Variants in PTPRC observed in about 807,000 individuals in gnomAD.
PTPRC encodes the protein protein tyrosine phosphatase receptor type C.
A neutral mutation model predicts 155.9 loss-of-function variants in PTPRC; 44 were observed. The ratio of observed to expected loss-of-function variants is 0.28; its 90% CI spans 0.22 to 0.36. PTPRC has a LOEUF of 0.36. PTPRC is among the 10% of genes least tolerant of loss of function. The pLI is 1.00. For missense variants in PTPRC, 1,401 were observed against 1,564.6 expected (o/e 0.90, Z 1.76); for synonymous variants, 525 against 533.1 (o/e 0.98, Z 0.21).
intron 2 of PTPRC, among the ~76,000 whole-genome samples, chr1:198,647,205 A>G (rs1271316258): frequency 6.6e-6 from 1 of 151,740 alleles, no homozygotes; most frequent in Non-Finnish European, 1.5e-5. Flanking sequence ...AGCCCCTTTC[A>G]CACCTGCATA....
chr1:198,666,997 AC>A (rs1664350130), intron 2 of PTPRC: 1 of 152,222 alleles, frequency 6.6e-6, no homozygotes, highest in Admixed American at 6.5e-5. Flanking sequence ...TAAGCAACTT[AC>A]GATATTTTGA....
chr1:198,725,151 T>C lies in PTPRC; in HGVS notation c.1720+2675T>C, dbSNP rs543601965. On this transcript the variant is annotated intron_variant, in intron 15 of 32. Transcript: ENST00000442510. The stretch of plus-strand genomic sequence containing the variant: ...CTGGATGCTATTGACCTTTGTAACC[T>C]GAAGATTTATATATCTGAGAATTCT... Among the ~76,000 whole-genome samples the C allele has an allele frequency of 4.6e-5, 7 of 152,284 alleles. No individual in the cohort carries two copies. In the South Asian group the frequency reaches 6.2e-4, roughly 14 times the overall value.
At position 198,718,160 on chromosome 1, in the gene PTPRC, G is replaced by A. The variant is rs1188651375; in HGVS notation, c.1517G>A (p.Arg506Lys). 2 of 1,613,866 alleles carry A rather than the reference G, an allele frequency of 1.2e-6. No homozygotes were observed. Among genetic ancestry groups the A allele is most frequent in the Non-Finnish European group, 1.7e-6 (2 of 1,179,814 alleles). The change falls in exon 14 of 33, where the codon AGG becomes AAG. Residue 506 changes from arginine (R) to lysine (K), a missense_variant. Arg to Lys is a conservative substitution (Grantham distance 26, BLOSUM62 2). Transcript: ENST00000442510. ...GATAATAGTATGCATGTCAAGTGTA[G>A]GCCTCCCAGGGACCGTAATGGCCCC... ...TSDNSMHVKCRPPRDRNGPHE... is the reference protein window; with the variant it reads ...TSDNSMHVKCKPPRDRNGPHE...
rs547752564 is a variant in PTPRC, at chr1:198,685,002, C to G, written c.74-7345C>G. ...GAGCTCATAAATTCATGTGCTTTAA[C>G]TAGATTGAATGAAATCAGAAAGGCA... On this transcript the variant is annotated intron_variant, in intron 2 of 32. Coordinates refer to ENST00000442510, the MANE Select transcript of PTPRC (RefSeq NM_002838.5). Among the ~76,000 whole-genome samples, 10 of 152,104 alleles carry G rather than the reference C, an allele frequency of 6.6e-5. No homozygotes were observed. In the South Asian group the frequency reaches 1.9e-3, roughly 28 times the overall value.
intron 12 of PTPRC, among the ~76,000 whole-genome samples, chr1:198,715,216 A>G (rs556105717): frequency 3.1e-4 from 47 of 152,012 alleles, no homozygotes; most frequent in African/African-American, 1.1e-3. Flanking sequence ...TCCGCCTCCC[A>G]GGTTCACGCC....
At chr1:198,689,478 T>A (rs1318994477) in intron 2 of PTPRC, among the ~76,000 whole-genome samples, 1 of 152,134 alleles carries the variant, frequency 6.6e-6, no homozygotes, top group African/African-American at 2.4e-5. Context: ...AACAACAGAA[T>A]ATAGGGGTCT....
chr1:198,709,731 G>C lies in PTPRC; in HGVS notation c.1078G>C (p.Glu360Gln). The change falls in exon 11 of 33, where the codon GAA (glutamate) becomes CAA (glutamine). Residue 360 changes from glutamate (E) to glutamine (Q), a missense_variant. By Grantham distance (29) the Glu-to-Gln change is conservative. Coordinates refer to ENST00000442510, the MANE Select transcript of PTPRC (RefSeq NM_002838.5). ...TAAAGAAATTAAATTAGAAAACCTT[G>C]AACCCGAACATGAGTATAAGTGTGA... ...DNKEIKLENL[E>Q]PEHEYKCDSE... is the part of the protein sequence containing the mutation. 6.2e-7 allele frequency: 1 copy of C among 1,604,912 alleles called. No individual in the cohort carries two copies. The highest frequency in any genetic ancestry group is 8.5e-7 in the Non-Finnish European group (1 of 1,175,700).
At position 198,718,182 on chromosome 1, in the gene PTPRC, C is replaced by A; in HGVS notation, c.1539C>A (p.Gly513=). The change falls in exon 14 of 33, where the codon GGC becomes GGA. Residue 513 remains glycine (G), a synonymous_variant. Coordinates refer to ENST00000442510, the MANE Select transcript of PTPRC (RefSeq NM_002838.5). ...GTAGGCCTCCCAGGGACCGTAATGG[C>A]CCCCATGAACGTTACCATTTGGAAG... is the stretch of plus-strand genomic sequence containing the variant. ...VKCRPPRDRN[G]PHERYHLEVE... is the part of the protein sequence containing the mutation. 6.2e-7 allele frequency: 1 copy of A among 1,613,172 alleles called. No individual in the cohort carries two copies. The highest frequency in any genetic ancestry group is 8.5e-7 in the Non-Finnish European group (1 of 1,179,242).
intron 6 of PTPRC, among the ~76,000 whole-genome samples, chr1:198,702,837 TAC>T (rs1666529749): frequency 6.6e-6 from 1 of 152,220 alleles, no homozygotes; most frequent in African/African-American, 2.4e-5. Flanking sequence ...CAGGGCAAAT[TAC>T]TAATACTTTC....
At chr1:198,688,078 G>GGTGTGT (rs139116095) in intron 2 of PTPRC, among the ~76,000 whole-genome samples, 1 of 148,470 alleles carries the variant, frequency 6.7e-6, no homozygotes, top group Non-Finnish European at 1.5e-5. Flanking sequence ...TGGTGTGTGG[G>GGTGTGT]GTGTGTGTGT....
intron 20 of PTPRC, among the ~76,000 whole-genome samples, chr1:198,732,983 G>C (rs1209819482): frequency 6.6e-6 from 1 of 151,732 alleles, no homozygotes; most frequent in East Asian, 1.9e-4. Flanking sequence ...GAGTCTGACT[G>C]ACTCCAAAAT....
intron 2 of PTPRC, among the ~76,000 whole-genome samples, chr1:198,686,860 A>G (rs540191944): frequency 6.6e-6 from 1 of 152,372 alleles, no homozygotes; most frequent in East Asian, 1.9e-4. Context: ...AAGGCTGTCT[A>G]CATACATAAA....
chr1:198,639,361 T>C lies in PTPRC; in HGVS notation c.73+20T>C. On this transcript the variant is annotated intron_variant, in intron 2 of 32. Coordinates refer to ENST00000442510, the MANE Select transcript of PTPRC (RefSeq NM_002838.5). ...TGACAGGTAAGTACAAGGATATTAA[T>C]ATTTTTTAAATTATTTTTTCTCTTT... The C allele has an allele frequency of 3.9e-6, 6 of 1,553,868 alleles. No individual in the cohort carries two copies. In the South Asian group the frequency reaches 5.8e-5, roughly 15 times the overall value.
intron 23 of PTPRC, among the ~76,000 whole-genome samples, chr1:198,737,329 A>C (rs1399334642): frequency 6.7e-6 from 1 of 149,750 alleles, no homozygotes; most frequent in Non-Finnish European, 1.5e-5. Context: ...TTAAGGTCTT[A>C]GATCTAAGTC....
intron 2 of PTPRC, chr1:198,680,060 C>CGCG (rs1440800367): frequency 8.4e-6 from 4 of 475,566 alleles, no homozygotes; most frequent in African/African-American, 6.1e-5. Flanking sequence ...AAGAACGCAG[C>CGCG]GCGCAGCTGG....
chr1:198,704,201 C>T (rs576514145), intron 7 of PTPRC, among the ~76,000 whole-genome samples: 28 of 152,024 alleles, frequency 1.8e-4, no homozygotes, highest in Non-Finnish European at 2.4e-4. Context: ...GTTGCCATAC[C>T]GCCAATTAGA....
intron 3 of PTPRC, chr1:198,692,983 T>C (rs1309869260): frequency 1.1e-6 from 1 of 933,918 alleles, no homozygotes; most frequent in Admixed American, 6.2e-5. Context: ...AAAAATTAAA[T>C]TGCAGATGGT....
chr1:198,662,025 A>G (rs1352434410), intron 2 of PTPRC, among the ~76,000 whole-genome samples: 1 of 152,162 alleles, frequency 6.6e-6, no homozygotes, highest in Non-Finnish European at 1.5e-5. Flanking sequence ...TTGTCTTCCA[A>G]ACGATGGTGA....
At chr1:198,703,465 CTTTCTT>C in intron 7 of PTPRC, 93 bp downstream of exon 7, 1 of 1,595,604 alleles carries the variant, frequency 6.3e-7, no homozygotes, top group Non-Finnish European at 8.5e-7. Context: ...CCTCGGGCTC[CTTTCTT>C]TAAGTTGCAT....
Sources: gnomAD v4.1 joint callset for allele counts (sites outside exome capture counted in the v4.1 genomes callset) on GRCh38, gnomAD v4.1.1 for gene constraint, MANE v1.5 for transcripts, NCBI Gene and HGNC (gene_info 2026-07-23, HGNC 2026-07-21) for gene names.